ANO3: variants seen among roughly 807,000 people sequenced by gnomAD.
ANO3 encodes the protein anoctamin-3.
A neutral mutation model predicts 144.8 loss-of-function variants in ANO3; 99 were observed. The ratio of observed to expected loss-of-function variants is 0.68; its 90% confidence interval spans 0.58 to 0.81. The LOEUF (loss-of-function observed/expected upper bound fraction) is 0.81. ANO3 is among the 30% of genes least tolerant of loss of function. The pLI is 0.00. For missense variants in ANO3, 905 were observed against 1,202.2 expected (o/e 0.75, Z 3.66); for synonymous variants, 414 against 392.6 (o/e 1.05, Z -0.64).
chr11:26,225,533 A>G (rs949567710), intron 1 of ANO3, among the ~76,000 whole-genome samples: 3 of 144,954 alleles, frequency 2.1e-5, no homozygotes, highest in Non-Finnish European at 4.6e-5. Flanking sequence ...CGATTTTGCA[A>G]TAACTTTTTA....
chr11:26,536,317 T>TAA (rs1849508470), intron 9 of ANO3, among the ~76,000 whole-genome samples: 1 of 138,712 alleles, frequency 7.2e-6, no homozygotes. Flanking sequence ...AGACTCTGTC[T>TAA]CAAAAAAAAA....
chr11:26,505,173 T>C (rs1341552312), intron 4 of ANO3, among the ~76,000 whole-genome samples: 6 of 152,096 alleles, frequency 3.9e-5, no homozygotes. Flanking sequence ...ATTTTAAATA[T>C]ATTTTGAAAG....
intron 1 of ANO3, among the ~76,000 whole-genome samples, chr11:26,367,526 A>C (rs2133933806): frequency 6.6e-6 from 1 of 151,930 alleles, no homozygotes; most frequent in South Asian, 2.1e-4. Context: ...TGAGCCCCCA[A>C]ACTTTTCCAA....
intron 4 of ANO3, among the ~76,000 whole-genome samples, chr11:26,470,543 A>T (rs1470350687): frequency 2.6e-5 from 4 of 152,110 alleles, no homozygotes; most frequent in South Asian, 2.1e-4. Context: ...GATAACATTT[A>T]AAATAGTAAT....
At chr11:26,197,311 GAAATT>G (rs1287705885) in intron 1 of ANO3, among the ~76,000 whole-genome samples, 1 of 152,136 alleles carries the variant, frequency 6.6e-6, no homozygotes, top group Non-Finnish European at 1.5e-5. Flanking sequence ...TGTATTGAAT[GAAATT>G]AAACTATATG....
chr11:26,241,684 T>C (rs1165792977), intron 1 of ANO3, among the ~76,000 whole-genome samples: 3 of 152,212 alleles, frequency 2.0e-5, no homozygotes, highest in African/African-American at 4.8e-5. Context: ...ATTAATAAAA[T>C]CTAATATAAT....
chr11:26,580,410 G>C (rs1204066025), intron 14 of ANO3, among the ~76,000 whole-genome samples: 1 of 151,948 alleles, frequency 6.6e-6, no homozygotes, highest in African/African-American at 2.4e-5. Context: ...TGTGAATTTG[G>C]CAAAATCTCT....
At chr11:26,544,251 C>CATATATATATATATAT (rs1554967685) in intron 11 of ANO3, among the ~76,000 whole-genome samples, 52 of 38,446 alleles carry the variant, frequency 1.4e-3, no homozygotes, top group South Asian at 7.7e-3. Flanking sequence ...TTTCATTATA[C>CATATATATATATATAT]ATATATATAT....
At chr11:26,631,313 G>T (rs1265744538) in intron 18 of ANO3, among the ~76,000 whole-genome samples, 1 of 151,136 alleles carries the variant, frequency 6.6e-6, no homozygotes, top group East Asian at 1.9e-4. Context: ...ATTTTATTTT[G>T]TTTATTTTAT....
Position 26,600,321 on chromosome 11 carries a change from C to G in ANO3, c.1836+607C>G, listed in dbSNP as rs573926203. On this transcript the variant is annotated intron_variant, in intron 17 of 26. Transcript: ENST00000256737. ...TTCCTCCCCTCTCCTCTCCTCTCCC[C>G]TCCCGTCTTCTCTCCCCTCTCCTTT... Among the ~76,000 whole-genome samples the G allele has an allele frequency of 2.5e-3, 215 of 87,204 alleles. 3 individuals carry two copies. Among genetic ancestry groups the G allele is most frequent in the Non-Finnish European group, 3.7e-3 (155 of 41,570 alleles). 57.2% of individuals were successfully genotyped at this position (87,204 alleles called of 152,430 possible).
At chr11:26,249,310 AATGTATTAT>A (rs1004164963) in intron 1 of ANO3, among the ~76,000 whole-genome samples, 3 of 152,224 alleles carry the variant, frequency 2.0e-5, no homozygotes, top group Admixed American at 1.3e-4. Flanking sequence ...TTAAAAAAAG[AATGTATTAT>A]ATGAAACGAA....
chr11:26,465,926 C>A (rs1859586616), intron 4 of ANO3, among the ~76,000 whole-genome samples: 1 of 151,930 alleles, frequency 6.6e-6, no homozygotes, highest in African/African-American at 2.4e-5. Flanking sequence ...TAGAATTAAT[C>A]TTCAGAACAA....
chr11:26,642,682 C>T (rs1252326717), intron 22 of ANO3, among the ~76,000 whole-genome samples: 1 of 152,136 alleles, frequency 6.6e-6, no homozygotes, highest in Non-Finnish European at 1.5e-5. Context: ...AAGAAACCTA[C>T]CATTCTACTC....
rs1456283637 is a variant in ANO3 at position 26,407,048 on chromosome 11, GT to G, written c.47-34869del. On this transcript the variant is annotated intron_variant, in intron 1 of 26. Transcript: ENST00000256737. ...TAGGTGTGTGTGTATATATATATGG[GT>G]GTGTGTGTGTGTGTGTGTGTGTGTG... Among the ~76,000 whole-genome samples the G allele has an allele frequency of 6.7e-3, 419 of 62,226 alleles. 3 individuals are homozygous for G. The highest frequency in any genetic ancestry group is 0.026 in the African/African-American group (410 of 15,796). 40.8% of individuals were successfully genotyped at this position (62,226 alleles called of 152,430 possible). A position where few individuals can be genotyped will look rare whatever the true frequency, so the allele number is the denominator to read the frequency against.
At chr11:26,614,668 G>C (rs115946772) in intron 17 of ANO3, among the ~76,000 whole-genome samples, 1,969 of 152,280 alleles carry the variant, frequency 0.013, 46 homozygotes, top group African/African-American at 0.045. Context: ...AGCAAGGATT[G>C]CTGGTGTTTG....
intron 1 of ANO3, among the ~76,000 whole-genome samples, chr11:26,375,857 GCAA>G (rs1277230692): frequency 2.0e-5 from 3 of 152,198 alleles, no homozygotes; most frequent in African/African-American, 4.8e-5. Flanking sequence ...AGCAGCAGCA[GCAA>G]CAACAACAAA....
chr11:26,593,205 G>C (rs548197034), intron 14 of ANO3, among the ~76,000 whole-genome samples: 2 of 152,158 alleles, frequency 1.3e-5, no homozygotes, highest in Non-Finnish European at 2.9e-5. Flanking sequence ...GGGCATAGGG[G>C]ACTAGGTAAG....
chr11:26,645,721 G>C (rs1413467755), intron 23 of ANO3, among the ~76,000 whole-genome samples: 1 of 152,012 alleles, frequency 6.6e-6, no homozygotes, highest in Non-Finnish European at 1.5e-5. Flanking sequence ...CAGAGGGAGG[G>C]AGAGCATCAG....
intron 1 of ANO3, among the ~76,000 whole-genome samples, chr11:26,241,898 A>T (rs2133811619): frequency 6.6e-6 from 1 of 152,316 alleles, no homozygotes; most frequent in Non-Finnish European, 1.5e-5. Context: ...TGCTAAAATC[A>T]GTGTATGAAT....
Sources: gnomAD v4.1 joint callset for allele counts (sites outside exome capture counted in the v4.1 genomes callset) on GRCh38, gnomAD v4.1.1 for gene constraint, MANE v1.5 for transcripts, NCBI Gene and HGNC (gene_info 2026-07-23, HGNC 2026-07-21) for gene names.